Variants in TNFRSF8 observed in about 807,000 individuals in gnomAD.
TNFRSF8 encodes tumor necrosis factor receptor superfamily member 8.
TNFRSF8 carries 26 observed loss-of-function variants against 70.8 expected under a neutral mutation model. That is an observed-to-expected ratio of 0.37 (90% confidence interval 0.27 to 0.51). TNFRSF8 has a LOEUF of 0.51. TNFRSF8 is among the 20% of genes least tolerant of loss of function. The pLI is 0.94. For synonymous variants in TNFRSF8, 356 were observed against 339.2 expected (o/e 1.05, Z -0.54); for missense variants, 720 against 807.9 (o/e 0.89, Z 1.32).
intron 9 of TNFRSF8, 65 bp downstream of exon 9, chr1:12,123,442 G>C: frequency 6.9e-7 from 1 of 1,459,230 alleles, no homozygotes; most frequent in Non-Finnish European, 9.3e-7. Context: ...GCCATGCCCA[G>C]GGGATGCCTG....
chr1:12,120,790 A>G (rs1641814656), intron 8 of TNFRSF8, among the ~76,000 whole-genome samples: 1 of 152,208 alleles, frequency 6.6e-6, no homozygotes, highest in Non-Finnish European at 1.5e-5. Context: ...CTTCAAATCC[A>G]AAGAGGAGGA....
chr1:12,090,788 G>C (rs1641235729), intron 2 of TNFRSF8, among the ~76,000 whole-genome samples: 1 of 152,152 alleles, frequency 6.6e-6, no homozygotes, highest in Non-Finnish European at 1.5e-5. Flanking sequence ...TGTAAGAAAA[G>C]GGGGTGCCAT....
In TNFRSF8 at chr1:12,126,239, G is replaced by T. The variant is rs1641937637; in HGVS notation, c.1309+3G>T. On this transcript the variant is annotated splice_donor_region_variant and intron_variant, in intron 12 of 14. Transcript: ENST00000263932. ...CCAGCCCAAGCTAGAGCTTGTGGGT[G>T]AGTGTCCAGCCGTCCAAAGGGGCTG... is the stretch of plus-strand genomic sequence containing the variant. The T allele has an allele frequency of 6.2e-7, 1 of 1,614,152 alleles. No individual in the cohort carries two copies.
Position 12,094,027 on chromosome 1 carries a change from C to G in TNFRSF8, c.152-3074C>G, listed in dbSNP as rs113703228. ...TGAGCTGAGATCCTGCCACTGCACT[C>G]CAGCCTGAGCAACAGAGCAAGACTT... On this transcript the variant is annotated intron_variant, in intron 2 of 14. Coordinates refer to ENST00000263932, the MANE Select transcript of TNFRSF8 (RefSeq NM_001243.5). Among the ~76,000 whole-genome samples the G allele has an allele frequency of 4.9e-3, 710 of 145,078 alleles. 6 individuals carry two copies. Among genetic ancestry groups the G allele is most frequent in the African/African-American group, 0.017 (661 of 39,146 alleles).
intron 6 of TNFRSF8, among the ~76,000 whole-genome samples, chr1:12,111,361 T>C (rs997135105): frequency 3.9e-5 from 6 of 152,046 alleles, no homozygotes; most frequent in Admixed American, 2.6e-4. Context: ...TTCTTTTTTT[T>C]AGTAGAGACG....
chr1:12,079,485 C>T (rs1641025384), intron 1 of TNFRSF8, among the ~76,000 whole-genome samples: 1 of 152,196 alleles, frequency 6.6e-6, no homozygotes, highest in South Asian at 2.1e-4. Context: ...TTCCCCAGGG[C>T]AGCAGGAGCT....
rs1641196012 is a variant in TNFRSF8, at chr1:12,088,724, G to A, written c.151+4173G>A. Among the ~76,000 whole-genome samples the A allele has an allele frequency of 6.6e-6, 1 of 152,250 alleles. No homozygotes were observed. The highest frequency in any genetic ancestry group is 2.1e-4 in the South Asian group (1 of 4,838). Reference sequence around the variant, plus strand: ...GAGCATGGCAGGTGTATCCCATCTTGTCCCAGGAGCTGAGGGTTCCTCCGA... The same window carrying A: ...GAGCATGGCAGGTGTATCCCATCTTATCCCAGGAGCTGAGGGTTCCTCCGA... On this transcript the variant is annotated intron_variant, in intron 2 of 14. Coordinates refer to ENST00000263932, the MANE Select transcript of TNFRSF8 (RefSeq NM_001243.5). The surrounding 1 kb of genome is among the most constrained non-coding windows in gnomAD (Gnocchi z 4.0).
Position 12,084,545 on chromosome 1 carries a change from C to T in TNFRSF8, c.145C>T (p.Pro49Ser), listed in dbSNP as rs758860794. ...TGTCAGGAGGTGCTGTTACCGCTGCCCCATGGGTGAGTGGGGGCGTTGGGG... is the reference window on the plus strand; with the variant it reads ...TGTCAGGAGGTGCTGTTACCGCTGCTCCATGGGTGAGTGGGGGCGTTGGGG... ...KAVRRCCYRC[P>S]MGLFPTQQCP... Residue 49 changes from proline (P) to serine (S), a missense_variant, in exon 2 of 15, where the codon CCC (proline) becomes TCC (serine). Pro to Ser is a moderately conservative substitution (Grantham distance 74). Coordinates refer to ENST00000263932, the MANE Select transcript of TNFRSF8 (RefSeq NM_001243.5). 3 of 1,613,880 alleles carry T rather than the reference C, an allele frequency of 1.9e-6. No homozygotes were observed. The highest frequency in any genetic ancestry group is 2.2e-5 in the South Asian group (2 of 91,064).
chr1:12,138,565 T>G lies in TNFRSF8; in HGVS notation c.1543+129T>G. ...AGGCCCAGGAAAGGAGAGGCATAGA[T>G]TCTTCACCCCAATTGAAGTTTCTGT... On this transcript the variant is annotated intron_variant, in intron 14 of 14. Coordinates refer to ENST00000263932, the MANE Select transcript of TNFRSF8 (RefSeq NM_001243.5). This position sits in a 1 kb window ranked among gnomAD's most constrained non-coding sequence, Gnocchi z 5.7. The G allele has an allele frequency of 2.1e-6, 2 of 942,082 alleles. No individual in the cohort carries two copies. The highest frequency in any genetic ancestry group is 3.1e-6 in the Non-Finnish European group (2 of 639,044). 58.4% of individuals were successfully genotyped at this position (942,082 alleles called of 1,614,324 possible).
intron 4 of TNFRSF8, among the ~76,000 whole-genome samples, chr1:12,105,901 T>C (rs1286798452): frequency 7.0e-6 from 1 of 143,514 alleles, no homozygotes; most frequent in African/African-American, 2.6e-5. Context: ...ATTGAGCCAT[T>C]GCACTCCAGC....
At position 12,109,659 on chromosome 1, in the gene TNFRSF8, G is replaced by A. The variant is rs1641592346; in HGVS notation, c.512+3G>A. ...GAGAACTGCAAGGAACCCTCCAGGTGACTCCCTGGCTTTGCCTCCTCCTCT... is the reference window on the plus strand; with the variant it reads ...GAGAACTGCAAGGAACCCTCCAGGTAACTCCCTGGCTTTGCCTCCTCCTCT... On this transcript the variant is annotated splice_donor_region_variant and intron_variant, in intron 5 of 14. Coordinates refer to ENST00000263932, the MANE Select transcript of TNFRSF8 (RefSeq NM_001243.5). This position sits in a 1 kb window ranked among gnomAD's most constrained non-coding sequence, Gnocchi z 4.4. 3 of 1,612,758 alleles carry A rather than the reference G, an allele frequency of 1.9e-6. No homozygotes were observed. The highest frequency in any genetic ancestry group is 2.2e-5 in the South Asian group (2 of 91,082).
chr1:12,066,157 C>T (rs1421282273), intron 1 of TNFRSF8, among the ~76,000 whole-genome samples: 8 of 152,104 alleles, frequency 5.3e-5, no homozygotes, highest in Non-Finnish European at 1.2e-4. Context: ...AGCTGAGCAT[C>T]TCTCTGGGCT....
At position 12,104,505 on chromosome 1, in the gene TNFRSF8, C is replaced by A; in HGVS notation, c.395C>A (p.Pro132Gln). 1 of 1,614,182 alleles carries A rather than the reference C, an allele frequency of 6.2e-7. No individual in the cohort carries two copies. Among genetic ancestry groups the A allele is most frequent in the African/African-American group, 1.3e-5 (1 of 75,048 alleles). ...CARCFFHSVC[P>Q]AGMIVKFPGT... ...CGCTGCTTCTTCCATTCTGTCTGTCCGGCAGGGATGATTGTCAAGTTCCCA... is the reference window on the plus strand; with the variant it reads ...CGCTGCTTCTTCCATTCTGTCTGTCAGGCAGGGATGATTGTCAAGTTCCCA... The change falls in exon 4 of 15, where the codon CCG becomes CAG. Residue 132 changes from proline (P) to glutamine (Q), a missense_variant. By Grantham distance (76) the Pro-to-Gln change is moderately conservative (BLOSUM62 -1). Transcript: ENST00000263932.
chr1:12,092,329 A>G (rs1298025690), intron 2 of TNFRSF8, among the ~76,000 whole-genome samples: 1 of 151,834 alleles, frequency 6.6e-6, no homozygotes, highest in Non-Finnish European at 1.5e-5. Context: ...ACAATGTGAC[A>G]TCACACCTGG....
At chr1:12,132,083 C>T (rs770504541) in intron 12 of TNFRSF8, among the ~76,000 whole-genome samples, 12 of 152,294 alleles carry the variant, frequency 7.9e-5, no homozygotes, top group Admixed American at 1.3e-4. Flanking sequence ...TGAGCCACCA[C>T]GCCCAGTCTC....
intron 3 of TNFRSF8, among the ~76,000 whole-genome samples, chr1:12,099,510 A>G (rs563227405): frequency 5.9e-4 from 90 of 152,166 alleles, no homozygotes; most frequent in African/African-American, 2.1e-3. Flanking sequence ...CTTAAACTCC[A>G]GGGCTTAAGT....
At chr1:12,132,942 T>G (rs1642075324) in intron 12 of TNFRSF8, among the ~76,000 whole-genome samples, 1 of 152,000 alleles carries the variant, frequency 6.6e-6, no homozygotes, top group Admixed American at 6.6e-5. Flanking sequence ...TTGATGTGAT[T>G]CATCCCATTT....
rs200005472 is a variant in TNFRSF8 at position 12,115,710 on chromosome 1, G to A, written c.927G>A (p.Glu309=). ...RCVPYPICAA[E]TVTKPQDMAE... is the part of the protein sequence containing the mutation. ...TCCCCTACCCAATCTGTGCAGCAGA[G>A]ACGGTCACCAAGCCCCAGGGTAAGC... The change falls in exon 8 of 15, where the codon GAG becomes GAA. Residue 309 remains glutamate (E), a synonymous_variant. Transcript: ENST00000263932. 6.8e-6 allele frequency: 11 copies of A among 1,614,100 alleles called. No homozygotes were observed. The African/African-American group carries it at 1.3e-4, about 20-fold the overall frequency.
chr1:12,142,651 C>G lies in TNFRSF8; in HGVS notation c.*120C>G. The stretch of plus-strand genomic sequence containing the variant: ...CTGGCCTGAACTGAGGCTCCAGCAT[C>G]TAGTGGTGGACCGGCCGGTCACTGC... On this transcript the variant is annotated 3_prime_UTR_variant, in exon 15 of 15. Coordinates refer to ENST00000263932, the MANE Select transcript of TNFRSF8 (RefSeq NM_001243.5). The surrounding 1 kb of genome is among the most constrained non-coding windows in gnomAD (Gnocchi z 5.0). 2.2e-6 allele frequency: 3 copies of G among 1,342,380 alleles called. No individual in the cohort carries two copies. The highest frequency in any genetic ancestry group is 3.0e-6 in the Non-Finnish European group (3 of 1,002,966). 83.2% of individuals were successfully genotyped at this position (1,342,380 alleles called of 1,614,324 possible).
Sources: gnomAD v4.1 joint callset for allele counts (sites outside exome capture counted in the v4.1 genomes callset) on GRCh38, gnomAD v4.1.1 for gene constraint, Gnocchi (gnomAD v3.1) non-coding constraint, MANE v1.5 for transcripts, NCBI Gene and HGNC (gene_info 2026-07-23, HGNC 2026-07-21) for gene names.